LRP6: variants seen among roughly 807,000 people sequenced by gnomAD.
LRP6 encodes the protein low-density lipoprotein receptor-related protein 6.
Under a neutral mutation model 184.1 loss-of-function variants are expected in LRP6, and 43 were observed. The observed-to-expected ratio is 0.23, with a 90% CI of 0.18 to 0.30. The LOEUF (loss-of-function observed/expected upper bound fraction) is 0.30, where lower values mean the gene tolerates loss of function less well. LRP6 is among the 10% of genes least tolerant of loss of function. LRP6 has a pLI of 1.00. For synonymous variants in LRP6, 719 were observed against 684.9 expected (o/e 1.05, Z -0.78); for missense variants, 1,571 against 2,005.3 (o/e 0.78, Z 4.14).
chr12:12,249,018 A>C, intron 1 of LRP6: 1 of 624,718 alleles, frequency 1.6e-6, no homozygotes, highest in Non-Finnish European at 2.9e-6. Flanking sequence ...TCGGGGGTAA[A>C]AGTCCCTTGC....
chr12:12,153,077 G>A (rs568571427), intron 12 of LRP6, among the ~76,000 whole-genome samples: 6 of 152,244 alleles, frequency 3.9e-5, no homozygotes, highest in South Asian at 2.1e-4. Flanking sequence ...TCCATACTTC[G>A]AGTAGTAAAA....
chr12:12,126,436 A>G (rs1258226808), intron 20 of LRP6, among the ~76,000 whole-genome samples: 1 of 152,220 alleles, frequency 6.6e-6, no homozygotes, highest in Non-Finnish European at 1.5e-5. Context: ...TGCATCCAGA[A>G]TTGCAGTCAG....
intron 2 of LRP6, among the ~76,000 whole-genome samples, chr12:12,215,394 C>A (rs890371329): frequency 3.3e-5 from 5 of 151,972 alleles, no homozygotes; most frequent in African/African-American, 1.2e-4. Flanking sequence ...TTACTAATGG[C>A]CTTAATCAGT....
chr12:12,253,850 A>C (rs890626321), intron 1 of LRP6, among the ~76,000 whole-genome samples: 9 of 152,106 alleles, frequency 5.9e-5, no homozygotes, highest in African/African-American at 2.2e-4. Context: ...TCTTCAATAA[A>C]AAAGGGCTAT....
intron 1 of LRP6, among the ~76,000 whole-genome samples, chr12:12,248,471 C>CT (rs71061030): frequency 0.011 from 661 of 62,778 alleles, 131 homozygotes; most frequent in African/African-American, 0.027. Flanking sequence ...AGTCTTTACT[C>CT]TTTTTTTTTT....
At chr12:12,238,090 T>C (rs1251242344) in intron 2 of LRP6, among the ~76,000 whole-genome samples, 1 of 152,122 alleles carries the variant, frequency 6.6e-6, no homozygotes, top group Non-Finnish European at 1.5e-5. Context: ...TGAAATTTCT[T>C]CATAAGGGGG....
In LRP6 at chr12:12,261,403, A is replaced by AGCGG. The variant is rs1865613852; in HGVS notation, c.55+5277_55+5278insCCGC. Among the ~76,000 whole-genome samples the AGCGG allele has an allele frequency of 7.2e-5, 7 of 97,492 alleles. No homozygotes were observed. In the South Asian group the frequency reaches 2.0e-3, roughly 27 times the overall value. 64.0% of individuals were successfully genotyped at this position (97,492 alleles called of 152,430 possible). ...GGGCGACAGAGCAAGACTCCGTCTC[A>AGCGG]AAAAAAAAAAAAAAAATTGAACCAC... On this transcript the variant is annotated intron_variant, in intron 1 of 22. Transcript: ENST00000261349.
At chr12:12,165,394 T>C in intron 7 of LRP6, 99 bp from the exon 8 acceptor site, 5 of 841,850 alleles carry the variant, frequency 5.9e-6, no homozygotes, top group Non-Finnish European at 1.0e-5. Flanking sequence ...AATCCAAGAG[T>C]CATCTTGGTA....
At chr12:12,166,214 G>A (rs2136954632) in intron 7 of LRP6, among the ~76,000 whole-genome samples, 1 of 152,290 alleles carries the variant, frequency 6.6e-6, no homozygotes, top group Admixed American at 6.5e-5. Context: ...TTAAGTGACA[G>A]AAATGGTCTC....
chr12:12,214,643 T>C (rs1235777116), intron 2 of LRP6, among the ~76,000 whole-genome samples: 2 of 152,236 alleles, frequency 1.3e-5, no homozygotes, highest in Non-Finnish European at 2.9e-5. Flanking sequence ...GTGAGAACTT[T>C]CTTTTTCCTT....
intron 14 of LRP6, 104 bp from the exon 15 acceptor site, chr12:12,147,660 T>C (rs2136911412): frequency 3.0e-6 from 3 of 990,108 alleles, no homozygotes; most frequent in Admixed American, 4.1e-5. Context: ...TTAAGTATTG[T>C]TTTTAAAAGT....
At chr12:12,131,120 T>TC (rs1264543830) in intron 18 of LRP6, among the ~76,000 whole-genome samples, 24 of 142,872 alleles carry the variant, frequency 1.7e-4, no homozygotes, top group African/African-American at 5.6e-4. Flanking sequence ...TTTTTTTTTT[T>TC]TTTTTGAGAC....
chr12:12,198,041 CCT>C (rs1344378311), intron 3 of LRP6, among the ~76,000 whole-genome samples: 10 of 152,162 alleles, frequency 6.6e-5, no homozygotes, highest in Non-Finnish European at 1.2e-4. Context: ...GCCTTAGCCC[CCT>C]GAGTAGCTGG....
chr12:12,127,031 G>T (rs1368164133), intron 19 of LRP6, 110 bp from the exon 20 acceptor site: 1 of 892,680 alleles, frequency 1.1e-6, no homozygotes, highest in Non-Finnish European at 1.8e-6. Context: ...GCCTAATGAA[G>T]ATAATTCATA....
At chr12:12,237,429 C>CA (rs1864954722) in intron 2 of LRP6, among the ~76,000 whole-genome samples, 1 of 151,830 alleles carries the variant, frequency 6.6e-6, no homozygotes, top group Admixed American at 6.6e-5. Context: ...TTAACACAGG[C>CA]AAAAACCATC....
rs549756737 is a variant in LRP6 at position 12,262,501 on chromosome 12, T to C, written c.55+4180A>G. Among the ~76,000 whole-genome samples, 8 of 149,616 alleles carry C rather than the reference T, an allele frequency of 5.3e-5. No homozygotes were observed. The South Asian group carries it at 1.5e-3, about 27-fold the overall frequency. ...TGAACCAAGGAGGCAGAGATTGCAG[T>C]GAGCCAAGATCGCGGCACTGCACTT... On this transcript the variant is annotated intron_variant, in intron 1 of 22. Coordinates refer to ENST00000261349, the MANE Select transcript of LRP6 (RefSeq NM_002336.3).
At chr12:12,182,204 G>GTT (rs1354243592) in intron 5 of LRP6, among the ~76,000 whole-genome samples, 1 of 152,140 alleles carries the variant, frequency 6.6e-6, no homozygotes, top group African/African-American at 2.4e-5. Flanking sequence ...TTGTAAGGTT[G>GTT]TTGTAAGGAT....
intron 3 of LRP6, among the ~76,000 whole-genome samples, chr12:12,195,664 T>C (rs1863735617): frequency 6.6e-6 from 1 of 152,126 alleles, no homozygotes; most frequent in Non-Finnish European, 1.5e-5. Context: ...CTGTGTTGTT[T>C]CCTTTGCTCT....
rs777840445 is a variant in LRP6, at chr12:12,181,172, C to T, written c.1244G>A (p.Arg415Gln). 74 of 1,614,000 alleles carry T rather than the reference C, an allele frequency of 4.6e-5. No individual in the cohort carries two copies. The highest frequency in any genetic ancestry group is 7.7e-5 in the South Asian group (7 of 91,088). The change falls in exon 6 of 23, where the codon CGA (arginine) becomes CAA (glutamine). Residue 415 changes from arginine (R) to glutamine (Q), a missense_variant. Arg to Gln is a conservative substitution (Grantham distance 43). Transcript: ENST00000261349. Reference sequence around the variant, plus strand: ...GCCAGTGTCTGTCCAATAAAGATTTCGTGCAACCCAGTCCACAGCAATACC... The same window carrying T: ...GCCAGTGTCTGTCCAATAAAGATTTTGTGCAACCCAGTCCACAGCAATACC... The part of the protein sequence containing the change: ...PDGIAVDWVA[R>Q]NLYWTDTGTD...
Sources: gnomAD v4.1 joint callset for allele counts (sites outside exome capture counted in the v4.1 genomes callset) on GRCh38, gnomAD v4.1.1 for gene constraint, MANE v1.5 for transcripts, NCBI Gene and HGNC (gene_info 2026-07-23, HGNC 2026-07-21) for gene names.